AFF3: variants seen among roughly 807,000 people sequenced by gnomAD.
AFF3 encodes AF4/FMR2 family member 3.
In AFF3, 32 loss-of-function variants were observed where a neutral mutation model predicts 129.7. The ratio of observed to expected loss-of-function variants is 0.25; its 90% CI spans 0.19 to 0.33. The LOEUF (loss-of-function observed/expected upper bound fraction) is 0.33, where lower values mean the gene tolerates loss of function less well. Ranked by LOEUF, AFF3 falls within the 10% of genes least tolerant of loss-of-function variation. The probability of loss-of-function intolerance (pLI) is 1.00; values close to 1 mark genes in which losing one functional copy is unlikely to be tolerated. For synonymous variants in AFF3, 644 were observed against 635.4 expected, an observed-to-expected ratio of 1.01 and a Z score of -0.20; for missense variants, 1,373 against 1,592.0, an observed-to-expected ratio of 0.86 and a Z score of 2.34.
intron 12 of AFF3, among the ~76,000 whole-genome samples, chr2:99,667,075 A>C (rs1686737861): frequency 6.6e-6 from 1 of 152,226 alleles, no homozygotes; most frequent in Non-Finnish European, 1.5e-5. Context: ...ACCCAACAAC[A>C]GCAGAATACA....
intron 7 of AFF3, among the ~76,000 whole-genome samples, chr2:99,885,635 C>CT (rs1254774214): frequency 6.6e-6 from 1 of 152,048 alleles, no homozygotes. Context: ...GGTGCAGGGT[C>CT]TTTTTTAAGT....
Position 100,014,469 on chromosome 2 carries a change from G to A in AFF3, c.54-5537C>T, listed in dbSNP as rs375458732. ...TGTCAGATACTAGGGAGACAGGGTC[G>A]TGATTGAGCCATCCTGCTGATGAGA... On this transcript the variant is annotated intron_variant, in intron 4 of 24. Coordinates refer to ENST00000672756, the MANE Select transcript of AFF3 (RefSeq NM_001386135.1). Among the ~76,000 whole-genome samples, 5 of 152,218 alleles carry A rather than the reference G, an allele frequency of 3.3e-5. No individual in the cohort carries two copies. The East Asian group carries it at 9.7e-4, about 30-fold the overall frequency.
At chr2:99,968,951 C>T (rs776926165) in intron 7 of AFF3, among the ~76,000 whole-genome samples, 9 of 152,170 alleles carry the variant, frequency 5.9e-5, no homozygotes, top group Non-Finnish European at 1.3e-4. Flanking sequence ...CTCCAGGGTC[C>T]TAAGTGAGAT....
intron 8 of AFF3, among the ~76,000 whole-genome samples, chr2:99,795,481 G>T (rs913515537): frequency 3.3e-5 from 5 of 152,026 alleles, no homozygotes; most frequent in Admixed American, 3.3e-4. Flanking sequence ...TACACTAAAC[G>T]CCCAGATTTT....
At chr2:99,956,444 G>A (rs80280460) in intron 7 of AFF3, among the ~76,000 whole-genome samples, 1 of 152,104 alleles carries the variant, frequency 6.6e-6, no homozygotes, top group African/African-American at 2.4e-5. Context: ...AAGTTGGAGG[G>A]GGGGGCTGTT....
intron 14 of AFF3, among the ~76,000 whole-genome samples, chr2:99,600,386 G>GA (rs1357592677): frequency 6.6e-6 from 1 of 152,170 alleles, no homozygotes; most frequent in Non-Finnish European, 1.5e-5. Flanking sequence ...TGAAGGAACT[G>GA]AAGAGCCACT....
chr2:99,592,943 C>CCAAAA (rs766393879), intron 15 of AFF3, among the ~76,000 whole-genome samples: 1 of 123,018 alleles, frequency 8.1e-6, no homozygotes, highest in Non-Finnish European at 1.7e-5. Context: ...CCCCCCCCCC[C>CCAAAA]AAAAAAAGGG....
chr2:99,927,420 C>A (rs1576364583), intron 7 of AFF3, among the ~76,000 whole-genome samples: 1 of 152,092 alleles, frequency 6.6e-6, no homozygotes, highest in Admixed American at 6.6e-5. Context: ...AGATCGTGCC[C>A]TGTGCAGGAA....
Position 100,055,964 on chromosome 2 carries a change from G to A in AFF3, c.54-47032C>T, listed in dbSNP as rs558745854. Reference sequence around the variant, plus strand: ...AGAAGGAAGGACTGCTTGAGGCCAGGAGATCAAGGTTACAATGAGCTATGA... The same window carrying A: ...AGAAGGAAGGACTGCTTGAGGCCAGAAGATCAAGGTTACAATGAGCTATGA... On this transcript the variant is annotated intron_variant, in intron 4 of 24. Transcript: ENST00000672756. Among the ~76,000 whole-genome samples, 7 of 151,768 alleles carry A rather than the reference G, an allele frequency of 4.6e-5. No homozygotes were observed. In the East Asian group the frequency reaches 1.4e-3, roughly 30 times the overall value.
chr2:99,882,941 GTGA>G (rs1419112935), intron 7 of AFF3, among the ~76,000 whole-genome samples: 1 of 152,202 alleles, frequency 6.6e-6, no homozygotes, highest in Non-Finnish European at 1.5e-5. Flanking sequence ...TGCAGTTTAA[GTGA>G]TGAAGTGAAC....
At chr2:99,860,878 G>A (rs573513728) in intron 7 of AFF3, among the ~76,000 whole-genome samples, 1 of 152,274 alleles carries the variant, frequency 6.6e-6, no homozygotes, top group South Asian at 2.1e-4. Context: ...TGTTCTGTGA[G>A]TTTGTATACA....
At position 100,137,546 on chromosome 2, in the gene AFF3, CACACACACACACAG is replaced by C. The variant is rs1335639679; in HGVS notation, c.-228+4924_-228+4937del. Among the ~76,000 whole-genome samples, 15 of 139,908 alleles carry C rather than the reference CACACACACACACAG, an allele frequency of 1.1e-4. No homozygotes were observed. The South Asian group carries it at 3.1e-3, about 29-fold the overall frequency. 91.8% of individuals were successfully genotyped at this position (139,908 alleles called of 152,430 possible). A position where few individuals can be genotyped will look rare whatever the true frequency, so the allele number is the denominator to read the frequency against. On this transcript the variant is annotated intron_variant, in intron 1 of 24. Coordinates refer to ENST00000672756, the MANE Select transcript of AFF3 (RefSeq NM_001386135.1). ...ACGTGCACACGTGCATACACACACACACACACACACACAGACACACAGAGGCATCCTGGAGGAAA... is the reference window on the plus strand; with the variant it reads ...ACGTGCACACGTGCATACACACACACACACACAGAGGCATCCTGGAGGAAA...
At chr2:100,052,823 T>A (rs1686456111) in intron 4 of AFF3, among the ~76,000 whole-genome samples, 1 of 152,256 alleles carries the variant, frequency 6.6e-6, no homozygotes, top group South Asian at 2.1e-4. Flanking sequence ...GCGCTGCACC[T>A]GCTCACATTT....
At position 99,608,526 on chromosome 2, in the gene AFF3, G is replaced by A. The variant is rs371145407; in HGVS notation, c.1185-6905C>T. Among the ~76,000 whole-genome samples the A allele has an allele frequency of 1.8e-4, 27 of 152,274 alleles. No homozygotes were observed. In the East Asian group the frequency reaches 4.1e-3, roughly 23 times the overall value. On this transcript the variant is annotated intron_variant, in intron 13 of 24. Coordinates refer to ENST00000672756, the MANE Select transcript of AFF3 (RefSeq NM_001386135.1). ...TTACATACGTATCAGGTTGAAAATTGAGAACCCACGGGGGCCACGCAAGTA... is the reference window on the plus strand; with the variant it reads ...TTACATACGTATCAGGTTGAAAATTAAGAACCCACGGGGGCCACGCAAGTA...
intron 13 of AFF3, among the ~76,000 whole-genome samples, chr2:99,609,006 T>C (rs1680650673): frequency 6.6e-6 from 1 of 151,910 alleles, no homozygotes; most frequent in Non-Finnish European, 1.5e-5. Flanking sequence ...CCAGAAGAAG[T>C]TTTACCCACT....
At chr2:99,578,942 T>C (rs1329832997) in intron 17 of AFF3, among the ~76,000 whole-genome samples, 1 of 152,216 alleles carries the variant, frequency 6.6e-6, no homozygotes, top group African/African-American at 2.4e-5. Flanking sequence ...CCTTTCCATC[T>C]GGTTCCCGGT....
chr2:99,848,548 A>T (rs1288721606), intron 7 of AFF3, among the ~76,000 whole-genome samples: 2 of 152,198 alleles, frequency 1.3e-5, no homozygotes, highest in Admixed American at 1.3e-4. Context: ...TACCTTTCCA[A>T]TGGAGAAAAG....
chr2:99,554,390 G>C lies in AFF3; in HGVS notation c.3480C>G (p.Asn1160Lys), dbSNP rs1674717745. The change falls in exon 24 of 25, where the codon AAC (asparagine) becomes AAG (lysine). Residue 1160 changes from asparagine to lysine, a missense_variant. Asn to Lys is a moderately conservative substitution (Grantham distance 94). Coordinates refer to ENST00000672756, the MANE Select transcript of AFF3 (RefSeq NM_001386135.1). ...IPQRIHQMAA[N>K]HVSITNSILH... ...GGATGCTGTTGGTGATGCTGACGTG[G>C]TTGGCCGCCATCTGGTGGATGCGCT... The C allele has an allele frequency of 6.2e-7, 1 of 1,614,114 alleles. No homozygotes were observed. Among genetic ancestry groups the C allele is most frequent in the Admixed American group, 1.7e-5 (1 of 60,012 alleles).
chr2:99,965,872 A>C (rs943545698), intron 7 of AFF3, among the ~76,000 whole-genome samples: 47 of 152,136 alleles, frequency 3.1e-4, no homozygotes, highest in African/African-American at 1.1e-3. Context: ...TACTAGTCAT[A>C]TTTCTGCCAA....
Sources: gnomAD v4.1 joint callset for allele counts (sites outside exome capture counted in the v4.1 genomes callset) on GRCh38, gnomAD v4.1.1 for gene constraint, MANE v1.5 for transcripts, NCBI Gene and HGNC (gene_info 2026-07-23, HGNC 2026-07-21) for gene names.